The following TM4SF4 variants were observed in gnomAD, a reference collection of about 807,000 sequenced individuals.
TM4SF4 encodes transmembrane 4 L six family member 4.
TM4SF4 carries 24 observed loss-of-function variants against 24.1 expected under a neutral mutation model. The ratio of observed to expected loss-of-function variants is 1.00; its 90% CI spans 0.72 to 1.40. The LOEUF is 1.40. TM4SF4 is among the 40% of genes most tolerant of loss of function. TM4SF4 has a pLI of 0.00. For synonymous variants in TM4SF4, 113 were observed against 97.0 expected, an observed-to-expected ratio of 1.17 and a Z score of -0.97; for missense variants, 254 against 254.2, an observed-to-expected ratio of 1.00 and a Z score of 0.01.
At chr3:149,475,664 A>G (rs1733914966) in intron 1 of TM4SF4, 159 bp from the exon 2 acceptor site, 1 of 626,202 alleles carries the variant, frequency 1.6e-6, no homozygotes, top group African/African-American at 1.8e-5. Flanking sequence ...TAAGTACTCC[A>G]TAACACTCCA....
At chr3:149,497,522 C>A (rs1208703103) in intron 3 of TM4SF4, among the ~76,000 whole-genome samples, 1 of 152,126 alleles carries the variant, frequency 6.6e-6, no homozygotes, top group African/African-American at 2.4e-5. Context: ...ATGGAGGAAA[C>A]AAAGAGACCA....
intron 3 of TM4SF4, chr3:149,495,214 C>T (rs1175995394): frequency 5.1e-6 from 1 of 194,658 alleles, no homozygotes; most frequent in Non-Finnish European, 1.1e-5. Context: ...AGCAGCTGTA[C>T]CAATTTCCAG....
chr3:149,497,972 C>G (rs1734342449), intron 3 of TM4SF4, among the ~76,000 whole-genome samples: 1 of 152,106 alleles, frequency 6.6e-6, no homozygotes, highest in Admixed American at 6.5e-5. Context: ...GCAATAAACT[C>G]TTTATATAAT....
chr3:149,493,914 AT>A (rs1195355255), intron 3 of TM4SF4, among the ~76,000 whole-genome samples: 7 of 152,332 alleles, frequency 4.6e-5, no homozygotes, highest in African/African-American at 1.2e-4. Context: ...AAGCATTCGT[AT>A]TCAGGCCCCC....
At chr3:149,476,439 T>C (rs1371403957) in intron 2 of TM4SF4, among the ~76,000 whole-genome samples, 3 of 151,782 alleles carry the variant, frequency 2.0e-5, no homozygotes, top group Non-Finnish European at 4.4e-5. Flanking sequence ...CTTCAGGACT[T>C]CTGTTTCCTC....
At position 149,476,820 on chromosome 3, in the gene TM4SF4, T is replaced by G. The variant is rs868211662; in HGVS notation, c.264+908T>G. Among the ~76,000 whole-genome samples the G allele has an allele frequency of 6.5e-3, 788 of 121,218 alleles. 9 individuals carry two copies. The highest frequency in any genetic ancestry group is 0.027 in the South Asian group (113 of 4,140). The allele number at this position is 121,218 out of a possible 152,430, so 79.5% of individuals were successfully genotyped here. On this transcript the variant is annotated intron_variant, in intron 2 of 4. Coordinates refer to ENST00000305354, the MANE Select transcript of TM4SF4 (RefSeq NM_004617.4). ...TTTTTTTGTTTTTGTTTTTGTTTTT[T>G]TTTTTTTTTTTGAGACAGGGTCTCA...
At chr3:149,492,400 G>C (rs1013059665) in intron 3 of TM4SF4, among the ~76,000 whole-genome samples, 3 of 152,090 alleles carry the variant, frequency 2.0e-5, no homozygotes, top group African/African-American at 7.2e-5. Flanking sequence ...GAACACCCTA[G>C]AAGGAAAAAG....
intron 3 of TM4SF4, chr3:149,495,108 T>C: frequency 3.8e-6 from 1 of 266,438 alleles, no homozygotes; most frequent in Non-Finnish European, 7.5e-6. Context: ...ACAAAATGGA[T>C]TCCACAGAGC....
chr3:149,478,893 A>G (rs1488095829), intron 2 of TM4SF4, among the ~76,000 whole-genome samples: 1 of 152,122 alleles, frequency 6.6e-6, no homozygotes, highest in Non-Finnish European at 1.5e-5. Flanking sequence ...CCTCCCGAGT[A>G]GCTGGGATTA....
In TM4SF4 at chr3:149,487,607, C is replaced by T; in HGVS notation, c.265-12C>T. ...CCTGGAGAATGTGACTGTCTCTCTT[C>T]CTCTCTTTCAGATGTTCACCTCCAC... is the stretch of plus-strand genomic sequence containing the variant. On this transcript the variant is annotated splice_polypyrimidine_tract_variant and intron_variant, in intron 2 of 4. Transcript: ENST00000305354. 1 of 1,613,950 alleles carries T rather than the reference C, an allele frequency of 6.2e-7. No individual in the cohort carries two copies. Among genetic ancestry groups the T allele is most frequent in the East Asian group, 2.2e-5 (1 of 44,880 alleles).
chr3:149,476,804 TTTTGTTTTTG>T lies in TM4SF4; in HGVS notation c.264+896_264+905del, dbSNP rs1466264461. Among the ~76,000 whole-genome samples, 26 of 55,432 alleles carry T rather than the reference TTTTGTTTTTG, an allele frequency of 4.7e-4. 1 individual carries two copies. Among genetic ancestry groups the T allele is most frequent in the Middle Eastern group, 0.01 (1 of 98 alleles). 36.4% of individuals were successfully genotyped at this position (55,432 alleles called of 152,430 possible). A position where few individuals can be genotyped will look rare whatever the true frequency, so the allele number is the denominator to read the frequency against. On this transcript the variant is annotated intron_variant, in intron 2 of 4. Transcript: ENST00000305354. ...TTTTTTCTTTTCTGTTTTTTTTTGTTTTTGTTTTTGTTTTTTTTTTTTTTTTTGAGACAGG... is the reference window on the plus strand; with the variant it reads ...TTTTTTCTTTTCTGTTTTTTTTTGTTTTTTTTTTTTTTTTTTTGAGACAGG...
chr3:149,500,436 A>G (rs902079797), intron 4 of TM4SF4, among the ~76,000 whole-genome samples: 7 of 152,144 alleles, frequency 4.6e-5, no homozygotes, highest in Admixed American at 4.6e-4. Flanking sequence ...GTGTATTACA[A>G]ATAAATTTCA....
Position 149,491,667 on chromosome 3 carries a change from C to T in TM4SF4, c.401+3912C>T, listed in dbSNP as rs1734212822. Among the ~76,000 whole-genome samples, 5 of 152,000 alleles carry T rather than the reference C, an allele frequency of 3.3e-5. No homozygotes were observed. The South Asian group carries it at 1.0e-3, about 31-fold the overall frequency. ...GAACAAAAAACGAATAGACATGGTT[C>T]CTTTCCTATCAGCATATGGGTTAGG... On this transcript the variant is annotated intron_variant, in intron 3 of 4. Transcript: ENST00000305354.
At chr3:149,478,758 T>G (rs1477002092) in intron 2 of TM4SF4, among the ~76,000 whole-genome samples, 1 of 152,152 alleles carries the variant, frequency 6.6e-6, no homozygotes, top group African/African-American at 2.4e-5. Context: ...TTTTTTTGTT[T>G]TGTTCTATTT....
chr3:149,484,608 G>A (rs1734086855), intron 2 of TM4SF4, among the ~76,000 whole-genome samples: 1 of 149,884 alleles, frequency 6.7e-6, no homozygotes, highest in Non-Finnish European at 1.5e-5. Flanking sequence ...CTGGAGTGCA[G>A]TAGCGTGATC....
intron 4 of TM4SF4, among the ~76,000 whole-genome samples, chr3:149,499,179 G>A (rs976662130): frequency 2.0e-5 from 3 of 152,116 alleles, no homozygotes; most frequent in Admixed American, 6.6e-5. Flanking sequence ...CCAGTTGACC[G>A]TAGTTCTAGA....
chr3:149,481,194 T>A (rs2107867645), intron 2 of TM4SF4, among the ~76,000 whole-genome samples: 1 of 152,328 alleles, frequency 6.6e-6, no homozygotes, highest in Admixed American at 6.5e-5. Context: ...CAAAATCCTC[T>A]GCTACAAAAT....
chr3:149,501,822 T>A (rs1379620252), intron 4 of TM4SF4, among the ~76,000 whole-genome samples: 1 of 152,196 alleles, frequency 6.6e-6, no homozygotes, highest in South Asian at 2.1e-4. Context: ...CGGAAAGTAT[T>A]TACTGAGAGC....
At chr3:149,485,086 A>G (rs1359421301) in intron 2 of TM4SF4, among the ~76,000 whole-genome samples, 1 of 152,230 alleles carries the variant, frequency 6.6e-6, no homozygotes, top group Non-Finnish European at 1.5e-5. Context: ...ATTACCTGAT[A>G]GATGAAATAA....
Sources: gnomAD v4.1 joint callset for allele counts (sites outside exome capture counted in the v4.1 genomes callset) on GRCh38, gnomAD v4.1.1 for gene constraint, MANE v1.5 for transcripts, NCBI Gene and HGNC (gene_info 2026-07-23, HGNC 2026-07-21) for gene names.